The following SLIT3 variants were observed in gnomAD, a reference collection of about 807,000 sequenced individuals.
The protein encoded by SLIT3 is slit guidance ligand 3, also known as slit homolog 3 protein.
SLIT3 carries 68 observed loss-of-function variants against 184.0 expected under a neutral mutation model. The ratio of observed to expected loss-of-function variants is 0.37; its 90% confidence interval spans 0.30 to 0.45. SLIT3 has a LOEUF of 0.45. SLIT3 is among the 20% of genes least tolerant of loss of function. The pLI is 1.00. For missense variants in SLIT3, 1,707 were observed against 2,026.0 expected (o/e 0.84, Z 3.02); for synonymous variants, 831 against 828.6 (o/e 1.00, Z -0.05).
chr5:169,261,809 C>T (rs533248925), intron 1 of SLIT3, among the ~76,000 whole-genome samples: 25 of 152,302 alleles, frequency 1.6e-4, no homozygotes, highest in African/African-American at 5.1e-4. Flanking sequence ...AAAAGGTGGT[C>T]GGATGTCACC....
intron 8 of SLIT3, among the ~76,000 whole-genome samples, chr5:168,813,943 G>C (rs903006417): frequency 6.6e-6 from 1 of 152,234 alleles, no homozygotes; most frequent in Non-Finnish European, 1.5e-5. Flanking sequence ...TATGCCCAGG[G>C]ATGGCTTAAT....
chr5:169,214,156 T>C (rs760643599), intron 3 of SLIT3, among the ~76,000 whole-genome samples: 5 of 152,240 alleles, frequency 3.3e-5, no homozygotes, highest in Admixed American at 1.3e-4. Context: ...TAAGAATTAA[T>C]TGAAATCATA....
At position 168,666,601 on chromosome 5, in the gene SLIT3, G is replaced by C; in HGVS notation, c.4425C>G (p.Ile1475Met). The change falls in exon 36 of 36, where the codon ATC (isoleucine) becomes ATG (methionine). Residue 1475 changes from isoleucine to methionine, a missense_variant. Physicochemically the swap from Ile to Met is conservative, Grantham distance 10. This residue lies in a region of SLIT3 where 387 missense variants were observed against 477.9 expected (regional missense o/e 0.81). Transcript: ENST00000519560. ...ASCATASKVP[I>M]MECRGGCGPQ... ...GCCCACAGCCCCCACGACATTCCATGATGGGCACCTTGGAGGCTGTGGCAC... is the reference window on the plus strand; with the variant it reads ...GCCCACAGCCCCCACGACATTCCATCATGGGCACCTTGGAGGCTGTGGCAC... 2 of 1,614,224 alleles carry C rather than the reference G, an allele frequency of 1.2e-6. No individual in the cohort carries two copies. The highest frequency in any genetic ancestry group is 8.5e-7 in the Non-Finnish European group (1 of 1,180,048).
intron 23 of SLIT3, chr5:168,719,985 C>T (rs181541236): frequency 6.6e-6 from 1 of 152,276 alleles, no homozygotes; most frequent in Non-Finnish European, 1.5e-5. Flanking sequence ...GTGCTCTCAG[C>T]TCACTGCAAC....
intron 1 of SLIT3, among the ~76,000 whole-genome samples, chr5:169,295,308 C>T (rs1561791933): frequency 6.6e-6 from 1 of 152,150 alleles, no homozygotes; most frequent in East Asian, 1.9e-4. Context: ...TTGTTTAATC[C>T]CCCCAATGGG....
chr5:168,818,733 G>T (rs980185519), intron 7 of SLIT3, among the ~76,000 whole-genome samples: 10 of 152,196 alleles, frequency 6.6e-5, no homozygotes, highest in African/African-American at 1.9e-4. Flanking sequence ...AAGGGCTCTT[G>T]ACCAAGCTCC....
intron 4 of SLIT3, among the ~76,000 whole-genome samples, chr5:168,984,060 T>C (rs937169381): frequency 6.8e-6 from 1 of 147,848 alleles, no homozygotes; most frequent in Non-Finnish European, 1.5e-5. Flanking sequence ...AAAATATATA[T>C]ATATTTTTTT....
At chr5:169,274,107 G>C (rs146164308) in intron 1 of SLIT3, among the ~76,000 whole-genome samples, 36 of 152,306 alleles carry the variant, frequency 2.4e-4, no homozygotes, top group African/African-American at 8.2e-4. Flanking sequence ...TGCTAGAAGT[G>C]CCCATTGTAG....
At chr5:168,872,271 C>A (rs1759550336) in intron 5 of SLIT3, among the ~76,000 whole-genome samples, 1 of 152,174 alleles carries the variant, frequency 6.6e-6, no homozygotes, top group East Asian at 1.9e-4. Flanking sequence ...AGGTGGGACA[C>A]AGGGAAATTT....
At position 169,164,841 on chromosome 5, in the gene SLIT3, C is replaced by G. The variant is rs114115814; in HGVS notation, c.413+28638G>C. On this transcript the variant is annotated intron_variant, in intron 4 of 35. Transcript: ENST00000519560. ...AGGCTTCCCAGGCAAGGCTGCCCTG[C>G]TGGGGTGGCATGCCAAGGTTTCGGG... Among the ~76,000 whole-genome samples, 1,257 of 152,318 alleles carry G rather than the reference C, an allele frequency of 8.3e-3. 24 individuals are homozygous for G. Among genetic ancestry groups the G allele is most frequent in the African/African-American group, 0.029 (1,190 of 41,578 alleles).
chr5:168,901,870 A>G (rs188687849), intron 4 of SLIT3, among the ~76,000 whole-genome samples: 101 of 152,246 alleles, frequency 6.6e-4, no homozygotes, highest in African/African-American at 2.2e-3. Context: ...GTGACATTTG[A>G]ATAGACAGTC....
intron 3 of SLIT3, among the ~76,000 whole-genome samples, chr5:169,229,652 C>G (rs950210638): frequency 6.6e-6 from 1 of 150,718 alleles, no homozygotes; most frequent in Admixed American, 6.6e-5. Context: ...TTCTCTCTCT[C>G]TCTCTCTCTC....
intron 4 of SLIT3, among the ~76,000 whole-genome samples, chr5:169,082,142 C>T (rs528105297): frequency 1.3e-5 from 2 of 152,274 alleles, no homozygotes; most frequent in East Asian, 1.9e-4. Flanking sequence ...AGCAGGGACT[C>T]CACAGGCCGT....
chr5:168,671,206 G>A lies in SLIT3; in HGVS notation c.4119C>T (p.Leu1373=), dbSNP rs531041335. ...GCTCCTGGGACACTGACCTGTGGCC[G>A]AGGCAGGGGTCCCGGGCCTCCTGAT... ...LCDQEARDPC[L]GHRCHHGKCV... is the part of the protein sequence containing the mutation. The change falls in exon 34 of 36, where the codon CTC becomes CTT. Residue 1373 remains leucine (L), a synonymous_variant. Transcript: ENST00000519560. 4.2e-5 allele frequency: 67 copies of A among 1,606,860 alleles called. No homozygotes were observed. The highest frequency in any genetic ancestry group is 5.4e-5 in the Non-Finnish European group (63 of 1,175,286).
At chr5:168,888,306 A>C (rs985930223) in intron 4 of SLIT3, among the ~76,000 whole-genome samples, 2 of 152,220 alleles carry the variant, frequency 1.3e-5, no homozygotes, top group Non-Finnish European at 2.9e-5. Flanking sequence ...AGAGAAATGT[A>C]AACTCCCAGG....
chr5:168,992,023 G>C (rs1442900441), intron 4 of SLIT3, among the ~76,000 whole-genome samples: 3 of 152,248 alleles, frequency 2.0e-5, no homozygotes, highest in Non-Finnish European at 4.4e-5. Context: ...AACTCAGTGT[G>C]TAAGTGGGAC....
intron 8 of SLIT3, among the ~76,000 whole-genome samples, chr5:168,810,922 T>C (rs1422935470): frequency 6.6e-6 from 1 of 152,090 alleles, no homozygotes; most frequent in African/African-American, 2.4e-5. Context: ...TTGTGCCCAG[T>C]ATCCCATCTC....
At chr5:168,942,417 T>G (rs17070638) in intron 4 of SLIT3, among the ~76,000 whole-genome samples, 12,394 of 152,288 alleles carry the variant, frequency 0.081, 947 homozygotes, top group African/African-American at 0.19. Context: ...TCGACTATAC[T>G]TCAACAGTAG....
chr5:169,114,436 C>T (rs748203897), intron 4 of SLIT3, among the ~76,000 whole-genome samples: 11 of 152,146 alleles, frequency 7.2e-5, no homozygotes, highest in Non-Finnish European at 1.0e-4. Flanking sequence ...AAGGTCTGTA[C>T]GCCTCAACAC....
Sources: gnomAD v4.1 joint callset for allele counts (sites outside exome capture counted in the v4.1 genomes callset) on GRCh38, gnomAD v4.1.1 for gene constraint, gnomAD v4.1.1 regional missense constraint, MANE v1.5 for transcripts, NCBI Gene and HGNC (gene_info 2026-07-23, HGNC 2026-07-21) for gene names.